C2CD2: variants seen among roughly 807,000 people sequenced by gnomAD.
C2CD2 encodes C2 domain-containing protein 2.
A neutral mutation model predicts 74.3 loss-of-function variants in C2CD2; 43 were observed. The ratio of observed to expected loss-of-function variants is 0.58; its 90% confidence interval spans 0.45 to 0.75. C2CD2 has a LOEUF of 0.75. Among genes scored for constraint, C2CD2 ranks in the 30% least tolerant of loss-of-function variants. The probability of loss-of-function intolerance (pLI) is 0.00; values close to 1 mark genes in which losing one functional copy is unlikely to be tolerated. For synonymous variants in C2CD2, 422 were observed against 390.7 expected, an observed-to-expected ratio of 1.08 and a Z score of -0.94; for missense variants, 801 against 916.3, an observed-to-expected ratio of 0.87 and a Z score of 1.63.
chr21:41,920,639 G>C (rs986051742), intron 3 of C2CD2, among the ~76,000 whole-genome samples: 1 of 152,222 alleles, frequency 6.6e-6, no homozygotes, highest in African/African-American at 2.4e-5. Context: ...TCAGAGAAGC[G>C]GGAACGCCTC....
intron 11 of C2CD2, among the ~76,000 whole-genome samples, 182 bp from the exon 12 acceptor site, chr21:41,901,931 A>G (rs2064903910): frequency 1.3e-5 from 2 of 152,202 alleles, no homozygotes; most frequent in African/African-American, 4.8e-5. Context: ...TGCAGCTTTT[A>G]TAGAGTGAAA....
chr21:41,893,978 T>C lies in C2CD2; in HGVS notation c.1871-4634A>G, dbSNP rs1036614392. Among the ~76,000 whole-genome samples the C allele has an allele frequency of 2.0e-5, 3 of 152,194 alleles. No homozygotes were observed. In the East Asian group the frequency reaches 5.8e-4, roughly 29 times the overall value. ...CCTCCCAAAGTGCTGGGATTACAGG[T>C]GTGAGCCACGGCTCCTGGCCTGTTT... On this transcript the variant is annotated intron_variant, in intron 13 of 13. Coordinates refer to ENST00000380486, the MANE Select transcript of C2CD2 (RefSeq NM_015500.2).
chr21:41,904,698 AC>A (rs2064939632), intron 11 of C2CD2, among the ~76,000 whole-genome samples: 1 of 152,132 alleles, frequency 6.6e-6, no homozygotes, highest in Non-Finnish European at 1.5e-5. Context: ...AGAATCCAAC[AC>A]CATGTTAAGA....
chr21:41,901,837 G>T, intron 11 of C2CD2, 88 bp from the exon 12 acceptor site: 1 of 1,160,786 alleles, frequency 8.6e-7, no homozygotes, highest in Non-Finnish European at 1.3e-6. Context: ...TGGTCGATAA[G>T]CAATGGTTAG....
intron 7 of C2CD2, 58 bp from the exon 8 acceptor site, chr21:41,909,581 G>T: frequency 9.0e-7 from 1 of 1,117,082 alleles, no homozygotes; most frequent in South Asian, 1.2e-5. Context: ...TTCTTTTTAT[G>T]AAATAGAGTG....
rs771636879 is a variant in C2CD2, at chr21:41,889,128, G to A, written c.2087C>T (p.Thr696Met). 9.3e-6 allele frequency: 15 copies of A among 1,610,096 alleles called. No individual in the cohort carries two copies. The highest frequency in any genetic ancestry group is 1.7e-5 in the Admixed American group (1 of 60,000). Residue 696 changes from threonine (T) to methionine (M), a missense_variant, in exon 14 of 14, where the codon ACG becomes ATG. Coordinates refer to ENST00000380486, the MANE Select transcript of C2CD2 (RefSeq NM_015500.2). ...TGGAGGTGATGACCTCAGGCCCTAC[G>A]TGCAGGGCTCCACGGGGGCACCGTT... is the stretch of plus-strand genomic sequence containing the variant. ...TMNGAPVEPC[T>M]
rs368292685 is a variant in C2CD2, at chr21:41,904,722, A to G, written c.1432+1002T>C. ...CACCATGTTAAGACAGTGCCCCTCC[A>G]GTGAGAACTTTCCACTCCCCTGACT... On this transcript the variant is annotated intron_variant, in intron 11 of 13. Transcript: ENST00000380486. Among the ~76,000 whole-genome samples, 25 of 152,310 alleles carry G rather than the reference A, an allele frequency of 1.6e-4. 4 individuals are homozygous for G. Among genetic ancestry groups the G allele is most frequent in the Admixed American group, 5.9e-4 (9 of 15,300 alleles).
intron 5 of C2CD2, among the ~76,000 whole-genome samples, chr21:41,915,232 T>C (rs2065075758): frequency 6.6e-6 from 1 of 152,190 alleles, no homozygotes; most frequent in Admixed American, 6.5e-5. Flanking sequence ...AGTCTATGCA[T>C]ACCCTAGCAC....
chr21:41,894,657 C>T (rs1016302535), intron 13 of C2CD2: 6 of 456,408 alleles, frequency 1.3e-5, no homozygotes, highest in Admixed American at 2.3e-5. Flanking sequence ...GAATGAGTTG[C>T]GTCTCCAGAG....
rs758136601 is a variant in C2CD2, at chr21:41,918,837, TA to T, written c.597+18del. The stretch of plus-strand genomic sequence containing the variant: ...CGTTCTCACGCCAATGGAAGAATCA[TA>T]AAAACTTACGGACTGACCTCCCCCA... On this transcript the variant is annotated intron_variant, in intron 4 of 13. Transcript: ENST00000380486. 1 of 1,594,680 alleles carries T rather than the reference TA, an allele frequency of 6.3e-7. No homozygotes were observed. Among genetic ancestry groups the T allele is most frequent in the Non-Finnish European group, 8.6e-7 (1 of 1,162,594 alleles).
At chr21:41,946,459 A>G (rs1484472496) in intron 1 of C2CD2, among the ~76,000 whole-genome samples, 1 of 152,046 alleles carries the variant, frequency 6.6e-6, no homozygotes, top group Admixed American at 6.6e-5. Context: ...GGTTGTTTAA[A>G]AGTGTGTAGC....
At chr21:41,942,680 A>G (rs145560240) in intron 1 of C2CD2, among the ~76,000 whole-genome samples, 1 of 152,136 alleles carries the variant, frequency 6.6e-6, no homozygotes, top group African/African-American at 2.4e-5. Flanking sequence ...GTTGCTAGGG[A>G]CAGTCCTCTA....
chr21:41,949,637 TG>T (rs1328282054), intron 1 of C2CD2, among the ~76,000 whole-genome samples: 1 of 152,254 alleles, frequency 6.6e-6, no homozygotes, highest in African/African-American at 2.4e-5. Flanking sequence ...ATCCCATTAC[TG>T]GGTATATATC....
Position 41,929,072 on chromosome 21 carries a change from A to G in C2CD2, c.379-6987T>C, listed in dbSNP as rs1447346934. ...TAAAATGAGCCTGGGCAATATAGTG[A>G]GATCCCACCTCTAAAAAATATTTAA... On this transcript the variant is annotated intron_variant, in intron 2 of 13. Transcript: ENST00000380486. This position sits in a 1 kb window ranked among gnomAD's most constrained non-coding sequence, Gnocchi z 4.6. Among the ~76,000 whole-genome samples the G allele has an allele frequency of 6.6e-6, 1 of 151,984 alleles. No homozygotes were observed. The highest frequency in any genetic ancestry group is 1.5e-5 in the Non-Finnish European group (1 of 68,000).
At chr21:41,891,489 G>A (rs991517670) in intron 13 of C2CD2, among the ~76,000 whole-genome samples, 1 of 152,250 alleles carries the variant, frequency 6.6e-6, no homozygotes, top group African/African-American at 2.4e-5. Flanking sequence ...ACCTGCTGGG[G>A]AAATGCCCTG....
Sources: allele counts gnomAD v4.1 joint callset (sites outside exome capture counted in the v4.1 genomes callset), GRCh38; gene constraint gnomAD v4.1.1; non-coding constraint Gnocchi (gnomAD v3.1); transcripts MANE v1.5; gene names NCBI Gene and HGNC (gene_info 2026-07-23, HGNC 2026-07-21).